Variants in TLDC2 observed in about 807,000 individuals in gnomAD.
TLDC2 encodes TLD domain-containing protein 2.
A neutral mutation model predicts 27.9 loss-of-function variants in TLDC2; 23 were observed. The ratio of observed to expected loss-of-function variants is 0.82; its 90% CI spans 0.59 to 1.17. The LOEUF (loss-of-function observed/expected upper bound fraction) is 1.17. TLDC2 is among the 50% of genes most tolerant of loss of function. The probability of loss-of-function intolerance (pLI) is 0.00; values close to 1 mark genes in which losing one functional copy is unlikely to be tolerated. For missense variants in TLDC2, 286 were observed against 273.4 expected (o/e 1.05, Z -0.32); for synonymous variants, 124 against 107.4 (o/e 1.16, Z -0.96).
At chr20:36,878,185 G>A in intron 2 of TLDC2, 131 bp downstream of exon 2, 2 of 1,000,134 alleles carry the variant, frequency 2.0e-6, no homozygotes, top group Non-Finnish European at 1.4e-6. Flanking sequence ...GTTACCTCCG[G>A]CAAATTGCTT....
intron 3 of TLDC2, among the ~76,000 whole-genome samples, chr20:36,879,998 T>C (rs1989763851): frequency 6.7e-6 from 1 of 149,290 alleles, no homozygotes; most frequent in Admixed American, 6.7e-5. Context: ...AAGAGATGGC[T>C]TTACTTTTTT....
chr20:36,887,612 C>A, intron 5 of TLDC2, 84 bp downstream of exon 5: 3 of 1,331,436 alleles, frequency 2.3e-6, no homozygotes, highest in Non-Finnish European at 3.2e-6. Context: ...CTAGGCTGCC[C>A]TTGATGCAAT....
At chr20:36,884,788 T>TAAAC in intron 4 of TLDC2, among the ~76,000 whole-genome samples, 1 of 148,502 alleles carries the variant, frequency 6.7e-6, no homozygotes, top group Non-Finnish European at 1.5e-5. Flanking sequence ...AATAAATAAA[T>TAAAC]AAATAAATAA....
chr20:36,892,815 T>C (rs768797500), intron 6 of TLDC2, 47 bp from the exon 7 acceptor site: 1 of 1,326,296 alleles, frequency 7.5e-7, no homozygotes, highest in Non-Finnish European at 1.1e-6. Flanking sequence ...AGCATGCGTG[T>C]ACATTCAAAA....
At chr20:36,880,072 T>TATATATATATATATATATATATATATAC (rs1568748390) in intron 3 of TLDC2, among the ~76,000 whole-genome samples, 7 of 32,960 alleles carry the variant, frequency 2.1e-4, no homozygotes, top group African/African-American at 4.6e-4. Flanking sequence ...TATATATACA[T>TATATATATATATATATATATATATATAC]ATATATATAT....
intron 6 of TLDC2, chr20:36,889,689 G>C (rs773637079): frequency 1.2e-5 from 3 of 246,232 alleles, no homozygotes; most frequent in Non-Finnish European, 2.3e-5. Flanking sequence ...GCTAGTGCCT[G>C]CCTCCTGGCA....
At chr20:36,883,443 T>G (rs1989856784) in intron 4 of TLDC2, among the ~76,000 whole-genome samples, 1 of 152,102 alleles carries the variant, frequency 6.6e-6, no homozygotes, top group Admixed American at 6.6e-5. Context: ...GCCCCAAACA[T>G]GGCATTTCCA....
intron 1 of TLDC2, among the ~76,000 whole-genome samples, chr20:36,877,105 G>T (rs1360707760): frequency 6.6e-6 from 1 of 152,132 alleles, no homozygotes; most frequent in African/African-American, 2.4e-5. Context: ...TACACAGAAG[G>T]CCAGGCGCGG....
At chr20:36,887,404 G>A (rs1206195214) in intron 4 of TLDC2, 51 bp from the exon 5 acceptor site, 1 of 1,537,640 alleles carries the variant, frequency 6.5e-7, no homozygotes, top group East Asian at 2.3e-5. Flanking sequence ...AAACTGCAAG[G>A]GCGGGACTCG....
intron 6 of TLDC2, 27 bp downstream of exon 6, chr20:36,889,430 C>T: frequency 6.2e-7 from 1 of 1,600,054 alleles, no homozygotes; most frequent in Non-Finnish European, 8.5e-7. Flanking sequence ...ATGATGCCAC[C>T]CAGGCCTTCC....
rs1449037659 is a variant in TLDC2 at position 36,893,046 on chromosome 20, T to C, written c.*202T>C. 2 of 1,613,530 alleles carry C rather than the reference T, an allele frequency of 1.2e-6. No homozygotes were observed. The highest frequency in any genetic ancestry group is 3.3e-5 in the Admixed American group (2 of 59,972). On this transcript the variant is annotated 3_prime_UTR_variant, in exon 7 of 7. Coordinates refer to ENST00000217320, the MANE Select transcript of TLDC2 (RefSeq NM_080628.3). ...ATTCCTTTTTTTGAGGTGTTATGAG[T>C]GGGGCTATAACATCGCCATCCTATT...
chr20:36,889,111 T>G, intron 5 of TLDC2, 140 bp from the exon 6 acceptor site: 1 of 1,085,460 alleles, frequency 9.2e-7, no homozygotes, highest in Non-Finnish European at 1.3e-6. Context: ...AATAATTCAG[T>G]ATAAATTGCT....
chr20:36,876,769 A>G (rs1989678552), intron 1 of TLDC2, among the ~76,000 whole-genome samples: 2 of 152,078 alleles, frequency 1.3e-5, no homozygotes, highest in South Asian at 4.2e-4. Context: ...AAACACACAC[A>G]CTCACACACA....
Position 36,876,213 on chromosome 20 carries a change from G to A in TLDC2, c.33+6G>A. The A allele has an allele frequency of 1.2e-6, 2 of 1,614,126 alleles. No homozygotes were observed. Among genetic ancestry groups the A allele is most frequent in the East Asian group, 2.2e-5 (1 of 44,874 alleles). ...GCTGGCGTTACACTCGGCTGGTAAG[G>A]GTTCCAACTCCGTCTGTGGTGCAGG... On this transcript the variant is annotated splice_donor_region_variant and intron_variant, in intron 1 of 6. Coordinates refer to ENST00000217320, the MANE Select transcript of TLDC2 (RefSeq NM_080628.3).
Position 36,889,336 on chromosome 20 carries a change from C to A in TLDC2, c.598C>A (p.Arg200=), listed in dbSNP as rs768991668. Residue 200 remains arginine, a synonymous_variant, in exon 6 of 7, where the codon CGG becomes AGG. Transcript: ENST00000217320. ...CPTFNNEVLA[R]QEQFCIQELE... The stretch of plus-strand genomic sequence containing the variant: ...GACCTTCAACAACGAGGTGCTGGCC[C>A]GGCAGGAGCAGTTCTGCATCCAGGA... 6.2e-7 allele frequency: 1 copy of A among 1,614,202 alleles called. No homozygotes were observed. Among genetic ancestry groups the A allele is most frequent in the Non-Finnish European group, 8.5e-7 (1 of 1,180,036 alleles).
intron 2 of TLDC2, among the ~76,000 whole-genome samples, chr20:36,878,426 CA>C (rs2034013743): frequency 6.6e-6 from 1 of 152,034 alleles, no homozygotes; most frequent in Non-Finnish European, 1.5e-5. Context: ...ACTAAAAATA[CA>C]AAAATTAGCC....
At chr20:36,886,072 A>AG (rs779624507) in intron 4 of TLDC2, among the ~76,000 whole-genome samples, 3 of 152,174 alleles carry the variant, frequency 2.0e-5, no homozygotes, top group Non-Finnish European at 4.4e-5. Flanking sequence ...AAGGGGGAGA[A>AG]GGGGCCAGAG....
At position 36,878,669 on chromosome 20, in the gene TLDC2, C is replaced by T. The variant is rs146092714; in HGVS notation, c.190-372C>T. Among the ~76,000 whole-genome samples the T allele has an allele frequency of 5.3e-5, 8 of 152,016 alleles. No individual in the cohort carries two copies. The East Asian group carries it at 1.2e-3, about 22-fold the overall frequency. ...GCTGGAGAGGGGTGGGCGGATGAGA[C>T]GGAGGATCAGGAGGAGGGTTCAGCA... On this transcript the variant is annotated intron_variant, in intron 2 of 6. Coordinates refer to ENST00000217320, the MANE Select transcript of TLDC2 (RefSeq NM_080628.3).
At chr20:36,880,187 A>G (rs1420091068) in intron 3 of TLDC2, among the ~76,000 whole-genome samples, 30 of 149,462 alleles carry the variant, frequency 2.0e-4, no homozygotes, top group Admixed American at 1.8e-3. Context: ...TCCACCTCCC[A>G]GGTTCAAGCA....
Sources: allele counts gnomAD v4.1 joint callset (sites outside exome capture counted in the v4.1 genomes callset), GRCh38; gene constraint gnomAD v4.1.1; transcripts MANE v1.5; gene names NCBI Gene and HGNC (gene_info 2026-07-23, HGNC 2026-07-21).